Variants in PKP3 observed in about 807,000 individuals in gnomAD.
PKP3 encodes the protein plakophilin 3.
PKP3 carries 66 observed loss-of-function variants against 76.5 expected under a neutral mutation model. The ratio of observed to expected loss-of-function variants is 0.86; its 90% CI spans 0.71 to 1.06. The LOEUF (loss-of-function observed/expected upper bound fraction) is 1.06, where lower values mean the gene tolerates loss of function less well. PKP3 is among the 50% of genes least tolerant of loss of function. PKP3 has a pLI of 0.00. For synonymous variants in PKP3, 638 were observed against 516.5 expected, an observed-to-expected ratio of 1.24 and a Z score of -3.19; for missense variants, 1,338 against 1,141.0, an observed-to-expected ratio of 1.17 and a Z score of -2.49.
Position 394,337 on chromosome 11 carries a change from C to T in PKP3, c.45C>T (p.Ala15=), listed in dbSNP as rs979999513. 32 of 1,514,130 alleles carry T rather than the reference C, an allele frequency of 2.1e-5. No individual in the cohort carries two copies. The highest frequency in any genetic ancestry group is 2.5e-5 in the Non-Finnish European group (28 of 1,138,084). 93.8% of individuals were successfully genotyped at this position (1,514,130 alleles called of 1,614,324 possible). The change falls in exon 1 of 13, where the codon GCC becomes GCT. Residue 15 remains alanine (A), a synonymous_variant. Transcript: ENST00000331563. ...TGCTGTCGGCCCTGCAGCCTGAGGC[C>T]GGCGTGTGCTCCCTGGCGCTGCCCT... The part of the protein sequence containing the change: ...NFLLSALQPE[A]GVCSLALPSD...
At chr11:396,570 G>A (rs1429673440) in intron 1 of PKP3, 38 bp from the exon 2 acceptor site, 4 of 1,438,124 alleles carry the variant, frequency 2.8e-6, no homozygotes, top group Non-Finnish European at 3.9e-6. Flanking sequence ...GTGCTTTGCT[G>A]TGTGGCAGAG....
At chr11:392,609 C>T (rs1011778137), upstream of PKP3, 38 of 1,276,524 alleles carry the variant, frequency 3.0e-5, no homozygotes, top group East Asian at 5.6e-5. Context: ...GAGGCTGCCC[C>T]GCACGCGCCG....
chr11:399,198 T>C lies in PKP3; in HGVS notation c.1273+2T>C. The C allele has an allele frequency of 1.3e-6, 2 of 1,565,670 alleles. No homozygotes were observed. The highest frequency in any genetic ancestry group is 1.7e-6 in the Non-Finnish European group (2 of 1,153,120). On this transcript the variant is annotated splice_donor_variant, in intron 5 of 12. Coordinates refer to ENST00000331563, the MANE Select transcript of PKP3 (RefSeq NM_007183.4). LOFTEE classifies it high-confidence loss of function. ...ATGAGCTTCGCAAAAATGTCACAGG[T>C]GCTGCCTGTCCCCTCCTCCACCTGT...
chr11:396,862 T>C lies in PKP3; in HGVS notation c.361T>C (p.Ser121Pro). ...KPAYSPASWS[S>P]RSAVDLSCSR... The stretch of plus-strand genomic sequence containing the variant: ...GGCCTACAGCCCAGCCTCCTGGTCC[T>C]CCCGCTCCGCCGTGGATCTGAGCTG... Residue 121 changes from serine to proline, a missense_variant, in exon 3 of 13, where the codon TCC becomes CCC. Transcript: ENST00000331563. The C allele has an allele frequency of 6.2e-7, 1 of 1,600,226 alleles. No homozygotes were observed. Among genetic ancestry groups the C allele is most frequent in the Non-Finnish European group, 8.5e-7 (1 of 1,176,750 alleles).
In PKP3 at chr11:404,570, G is replaced by T; in HGVS notation, c.*1G>T. 1 of 1,612,462 alleles carries T rather than the reference G, an allele frequency of 6.2e-7. No individual in the cohort carries two copies. Among genetic ancestry groups the T allele is most frequent in the Non-Finnish European group, 8.5e-7 (1 of 1,179,714 alleles). On this transcript the variant is annotated 3_prime_UTR_variant, in exon 13 of 13. Transcript: ENST00000331563. This position sits in a 1 kb window ranked among gnomAD's most constrained non-coding sequence, Gnocchi z 4.2. ...GAAGGAGGACTTCCTGGGCCCATAG[G>T]TGAAGCCTTCTGGAGGAGAAGGTGA...
Position 404,141 on chromosome 11 carries a change from G to A in PKP3, c.2270+6G>A. On this transcript the variant is annotated splice_donor_region_variant and intron_variant, in intron 11 of 12. Transcript: ENST00000331563. This position sits in a 1 kb window ranked among gnomAD's most constrained non-coding sequence, Gnocchi z 4.2. ...ATCAAGAAGAAGCGGGACAGGTAGG[G>A]GCCGACCCAGCCGTGCAGCAGCCTG... 6.2e-7 allele frequency: 1 copy of A among 1,608,968 alleles called. No homozygotes were observed. The highest frequency in any genetic ancestry group is 8.5e-7 in the Non-Finnish European group (1 of 1,177,420).
rs1210270179 is a variant in PKP3 at position 400,657 on chromosome 11, G to A, written c.1689G>A (p.Pro563=). The part of the protein sequence containing the change: ...RGRRDLAGAP[P]GEVVGCFTPQ... ...GCAGGGACCTGGCGGGGGCGCCGCC[G>A]GGAGAGGTCGTGGGCTGCTTCACGC... is the stretch of plus-strand genomic sequence containing the variant. Residue 563 remains proline (P), a synonymous_variant, in exon 8 of 13, where the codon CCG becomes CCA. Coordinates refer to ENST00000331563, the MANE Select transcript of PKP3 (RefSeq NM_007183.4). 1.5e-6 allele frequency: 2 copies of A among 1,358,546 alleles called. No homozygotes were observed. Among genetic ancestry groups the A allele is most frequent in the Admixed American group, 4.0e-5 (1 of 24,968 alleles). The allele number at this position is 1,358,546 out of a possible 1,614,324, so 84.2% of individuals were successfully genotyped here.
In PKP3 at chr11:398,995, C is replaced by T. The variant is rs143452973; in HGVS notation, c.1072C>T (p.Arg358Cys). The stretch of plus-strand genomic sequence containing the variant: ...CCCCATATGCCTGTGCCCGCAGGCC[C>T]GCAGCCTTCAGGCCGTGCCTAGGCT... ...YSDAAAKKQA[R>C]SLQAVPRLVK... Residue 358 changes from arginine (R) to cysteine (C), a missense_variant, in exon 5 of 13, where the codon CGC (arginine) becomes TGC (cysteine). Transcript: ENST00000331563. 497 of 1,571,446 alleles carry T rather than the reference C, an allele frequency of 3.2e-4. No homozygotes were observed. The highest frequency in any genetic ancestry group is 4.1e-4 in the Non-Finnish European group (475 of 1,155,330).
In PKP3 at chr11:400,528, C is replaced by A. The variant is rs1410459508; in HGVS notation, c.1567-7C>A. The A allele has an allele frequency of 1.3e-6, 2 of 1,491,310 alleles. No individual in the cohort carries two copies. Among genetic ancestry groups the A allele is most frequent in the South Asian group, 1.3e-5 (1 of 77,256 alleles). 92.4% of individuals were successfully genotyped at this position (1,491,310 alleles called of 1,614,324 possible). ...CCCGCGCCCCTGCCCCGCGCCCCCG[C>A]CCGCAGAGCGTGGAGAACGCGGTGT... On this transcript the variant is annotated splice_polypyrimidine_tract_variant and splice_region_variant and intron_variant, in intron 7 of 12. Transcript: ENST00000331563.
In PKP3 at chr11:400,446, G is replaced by A; in HGVS notation, c.1561G>A (p.Asp521Asn). 2 of 1,545,112 alleles carry A rather than the reference G, an allele frequency of 1.3e-6. No homozygotes were observed. Among genetic ancestry groups the A allele is most frequent in the East Asian group, 2.5e-5 (1 of 40,800 alleles). The change falls in exon 7 of 13, where the codon GAC becomes AAC. Residue 521 changes from aspartate (D) to asparagine (N), a missense_variant. By Grantham distance (23) the Asp-to-Asn change is conservative (BLOSUM62 1). Coordinates refer to ENST00000331563, the MANE Select transcript of PKP3 (RefSeq NM_007183.4). ...CGCCCTGGACGCGGGCAAATGCGAG[G>A]ACAAGGTGAGGGGCGCGGTGTGGAG... ...NHALDAGKCE[D>N]KSVENAVCVL...
Position 394,261 on chromosome 11 carries a change from C to T in PKP3, c.-32C>T. On this transcript the variant is annotated 5_prime_UTR_variant, in exon 1 of 13. Transcript: ENST00000331563. ...TGAAGATAGTTGGGTTTGGAGGCGG[C>T]CGCCAGGCCCAGGCCCGGTGGACCT... 2 of 1,465,828 alleles carry T rather than the reference C, an allele frequency of 1.4e-6. No individual in the cohort carries two copies. Among genetic ancestry groups the T allele is most frequent in the Admixed American group, 5.0e-5 (2 of 40,348 alleles). 90.8% of individuals were successfully genotyped at this position (1,465,828 alleles called of 1,614,324 possible).
rs369650234 is a variant in PKP3, at chr11:399,000, C to A, written c.1077C>A (p.Ser359Arg). ...SDAAAKKQAR[S>R]LQAVPRLVKL... is the part of the protein sequence containing the mutation. ...TATGCCTGTGCCCGCAGGCCCGCAG[C>A]CTTCAGGCCGTGCCTAGGCTGGTGA... Residue 359 changes from serine to arginine, a missense_variant, in exon 5 of 13, where the codon AGC (serine) becomes AGA (arginine). Coordinates refer to ENST00000331563, the MANE Select transcript of PKP3 (RefSeq NM_007183.4). 7 of 1,579,492 alleles carry A rather than the reference C, an allele frequency of 4.4e-6. No homozygotes were observed. Among genetic ancestry groups the A allele is most frequent in the South Asian group, 3.5e-5 (3 of 86,930 alleles).
chr11:400,815 C>T (rs1173114812), intron 8 of PKP3, 110 bp downstream of exon 8: 8 of 429,916 alleles, frequency 1.9e-5, no homozygotes, highest in African/African-American at 5.5e-5. Flanking sequence ...CACCCCGCCC[C>T]GCTCACCCCG....
At position 394,225 on chromosome 11, in the gene PKP3, G is replaced by C. The variant is rs1222169613; in HGVS notation, c.-68G>C. Reference sequence around the variant, plus strand: ...GGGGACTTCAGGGAGAGGGCCTCGAGGGACAGGACGTGAAGATAGTTGGGT... The same window carrying C: ...GGGGACTTCAGGGAGAGGGCCTCGACGGACAGGACGTGAAGATAGTTGGGT... On this transcript the variant is annotated 5_prime_UTR_variant, in exon 1 of 13. Coordinates refer to ENST00000331563, the MANE Select transcript of PKP3 (RefSeq NM_007183.4). 7.1e-7 allele frequency: 1 copy of C among 1,413,158 alleles called. No homozygotes were observed. Among genetic ancestry groups the C allele is most frequent in the African/African-American group, 1.5e-5 (1 of 66,114 alleles). The allele number at this position is 1,413,158 out of a possible 1,614,324, so 87.5% of individuals were successfully genotyped here.
Position 400,123 on chromosome 11 carries a change from A to ACGCCAC in PKP3, c.1433_1438dup (p.Ala478_Thr479dup). The ACGCCAC allele has an allele frequency of 6.4e-7, 1 of 1,567,358 alleles. No homozygotes were observed. Among genetic ancestry groups the ACGCCAC allele is most frequent in the Non-Finnish European group, 8.6e-7 (1 of 1,160,394 alleles). The stretch of plus-strand genomic sequence containing the variant: ...GCCTCGGAGGCAGAGATCTTCTACA[A>ACGCCAC]CGCCACCGGCTTCCTCAGGTGCGCC... On this transcript the variant is annotated inframe_insertion, in exon 6 of 13. Transcript: ENST00000331563.
At chr11:396,308 G>A (rs10902158) in intron 1 of PKP3, 83,741 of 379,624 alleles carry the variant, frequency 0.22, 12,435 homozygotes, top group East Asian at 0.6. Flanking sequence ...TGATGTCAGA[G>A]GCCCTGGCAC....
chr11:395,541 T>C (rs1288723910), intron 1 of PKP3, among the ~76,000 whole-genome samples: 1 of 152,096 alleles, frequency 6.6e-6, no homozygotes, highest in Non-Finnish European at 1.5e-5. Context: ...CCCTGCCAAT[T>C]AGAGGGAGGT....
chr11:403,457 T>C (rs2133606962), intron 9 of PKP3, among the ~76,000 whole-genome samples, 161 bp from the exon 10 acceptor site: 1 of 152,150 alleles, frequency 6.6e-6, no homozygotes, highest in African/African-American at 2.4e-5. Context: ...GGGAGGCACC[T>C]GATCCGGGCT....
intron 4 of PKP3, 88 bp from the exon 5 acceptor site, chr11:398,904 T>A: frequency 9.7e-7 from 1 of 1,035,388 alleles, no homozygotes; most frequent in Non-Finnish European, 1.4e-6. Flanking sequence ...CATATCTACA[T>A]CTACGCACCT....
Sources: gnomAD v4.1 joint callset for allele counts (sites outside exome capture counted in the v4.1 genomes callset) on GRCh38, gnomAD v4.1.1 for gene constraint, Gnocchi (gnomAD v3.1) non-coding constraint, MANE v1.5 for transcripts, NCBI Gene and HGNC (gene_info 2026-07-23, HGNC 2026-07-21) for gene names.